The following SLC6A9 variants were observed in gnomAD, a reference collection of about 807,000 sequenced individuals.
The protein encoded by SLC6A9 is sodium- and chloride-dependent glycine transporter 1.
Under a neutral mutation model 70.9 loss-of-function variants are expected in SLC6A9, and 31 were observed. The ratio of observed to expected loss-of-function variants is 0.44; its 90% CI spans 0.33 to 0.59. The LOEUF is 0.59. SLC6A9 is among the 20% of genes least tolerant of loss of function. The probability of loss-of-function intolerance (pLI) is 0.04; values close to 1 mark genes in which losing one functional copy is unlikely to be tolerated. For synonymous variants in SLC6A9, 310 were observed against 341.3 expected (o/e 0.91, Z 1.01); for missense variants, 631 against 845.2 (o/e 0.75, Z 3.14).
chr1:44,022,391 C>T (rs2086899944), intron 2 of SLC6A9, among the ~76,000 whole-genome samples: 1 of 152,204 alleles, frequency 6.6e-6, no homozygotes, highest in South Asian at 2.1e-4. Flanking sequence ...TCCAAGACTT[C>T]TCCAGGAAAG....
intron 4 of SLC6A9, among the ~76,000 whole-genome samples, chr1:44,008,990 G>A (rs141863240): frequency 8.8e-5 from 13 of 147,452 alleles, no homozygotes; most frequent in Non-Finnish European, 1.9e-4. Flanking sequence ...GAAGTGCTGG[G>A]ATTACAGGCG....
chr1:44,029,031 A>G (rs2087041104), intron 1 of SLC6A9, among the ~76,000 whole-genome samples: 1 of 152,104 alleles, frequency 6.6e-6, no homozygotes, highest in Non-Finnish European at 1.5e-5. Flanking sequence ...GACCCAGAGG[A>G]CGAATGCTGG....
intron 2 of SLC6A9, among the ~76,000 whole-genome samples, chr1:44,014,443 A>G (rs993544633): frequency 6.6e-6 from 1 of 151,898 alleles, no homozygotes; most frequent in African/African-American, 2.4e-5. Context: ...GCTGGCTGAC[A>G]CATATACACC....
chr1:44,017,451 C>G, intron 2 of SLC6A9: 1 of 907,502 alleles, frequency 1.1e-6, no homozygotes, highest in Non-Finnish European at 1.4e-6. Flanking sequence ...ACTCCCCCCA[C>G]GGAGCTGACC....
In SLC6A9 at chr1:44,013,276, C is replaced by A. The variant is rs760117819; in HGVS notation, c.31-2394G>T. The stretch of plus-strand genomic sequence containing the variant: ...AGGATGAGGGACAGATGCCCCATAC[C>A]CCCTGACCAAGTGGGACCACATTTG... On this transcript the variant is annotated intron_variant, in intron 2 of 13. Transcript: ENST00000372310. This position sits in a 1 kb window ranked among gnomAD's most constrained non-coding sequence, Gnocchi z 5.3. Among the ~76,000 whole-genome samples, 1 of 152,214 alleles carries A rather than the reference C, an allele frequency of 6.6e-6. No homozygotes were observed. The highest frequency in any genetic ancestry group is 2.4e-5 in the African/African-American group (1 of 41,460).
In SLC6A9 at chr1:44,002,577, C is replaced by T. The variant is rs199830284; in HGVS notation, c.793G>A (p.Glu265Lys). 33 of 1,613,988 alleles carry T rather than the reference C, an allele frequency of 2.0e-5. No individual in the cohort carries two copies. The highest frequency in any genetic ancestry group is 2.7e-5 in the Non-Finnish European group (32 of 1,180,006). ...TACATGATGCCGTCAAAGGCTCCCT[C>T]CAGGGTCACTCCGCGGACAAACAGA... ...TILFVRGVTLEGAFDGIMYYL... is the reference protein window; with the variant it reads ...TILFVRGVTLKGAFDGIMYYL... The change falls in exon 7 of 14, where the codon GAG becomes AAG. Residue 265 changes from glutamate (E) to lysine (K), a missense_variant. Glu to Lys is a moderately conservative substitution (Grantham distance 56). Coordinates refer to ENST00000372310, the MANE Select transcript of SLC6A9 (RefSeq NM_001024845.3). This position sits in a 1 kb window ranked among gnomAD's most constrained non-coding sequence, Gnocchi z 5.5.
intron 1 of SLC6A9, among the ~76,000 whole-genome samples, chr1:44,024,877 G>A (rs1384268884): frequency 2.6e-5 from 4 of 152,174 alleles, no homozygotes; most frequent in South Asian, 2.1e-4. Context: ...ATGTGCAGCC[G>A]CACCTCCTTG....
chr1:44,020,578 C>T (rs993711234), intron 2 of SLC6A9, among the ~76,000 whole-genome samples: 3 of 152,228 alleles, frequency 2.0e-5, no homozygotes, highest in South Asian at 4.1e-4. Context: ...GCTAAGACTT[C>T]GGTTAGGTGA....
chr1:44,006,294 G>A (rs115742580), intron 5 of SLC6A9, among the ~76,000 whole-genome samples: 4 of 152,216 alleles, frequency 2.6e-5, no homozygotes, highest in African/African-American at 9.6e-5. Context: ...CCTAGTAGGT[G>A]CTCAAGAAAT....
chr1:44,028,964 G>T (rs2087039017), intron 1 of SLC6A9, among the ~76,000 whole-genome samples: 1 of 152,296 alleles, frequency 6.6e-6, no homozygotes, highest in East Asian at 1.9e-4. Context: ...TGGGTAGGGG[G>T]AGGGATAAGA....
intron 2 of SLC6A9, 147 bp from the exon 3 acceptor site, chr1:44,011,029 G>A (rs947523056): frequency 2.5e-6 from 2 of 803,940 alleles, no homozygotes; most frequent in East Asian, 2.6e-5. Flanking sequence ...AGGCAGGCCT[G>A]GCAAAGGAGG....
At chr1:44,021,069 T>C (rs959952320) in intron 2 of SLC6A9, among the ~76,000 whole-genome samples, 10 of 152,210 alleles carry the variant, frequency 6.6e-5, no homozygotes, top group African/African-American at 2.4e-4. Context: ...TGGTGTGACA[T>C]TGGTGGGTGG....
In SLC6A9 at chr1:44,002,870, C is replaced by G. The variant is rs765969264; in HGVS notation, c.706G>C (p.Val236Leu). The G allele has an allele frequency of 1.2e-6, 2 of 1,614,136 alleles. No homozygotes were observed. The highest frequency in any genetic ancestry group is 3.3e-5 in the Admixed American group (2 of 60,032). ...LVVFLCLIRG[V>L]KSSGKVVYFT... is the part of the protein sequence containing the mutation. Reference sequence around the variant, plus strand: ...GTACTTGCTTTCCCTGAAGACTTGACCCCTCGGATGAGGCAGAGGAAGACG... The same window carrying G: ...GTACTTGCTTTCCCTGAAGACTTGAGCCCTCGGATGAGGCAGAGGAAGACG... The change falls in exon 6 of 14, where the codon GTC (valine) becomes CTC (leucine). Residue 236 changes from valine (V) to leucine (L), a missense_variant. By Grantham distance (32) the Val-to-Leu change is conservative (BLOSUM62 1). Coordinates refer to ENST00000372310, the MANE Select transcript of SLC6A9 (RefSeq NM_001024845.3). This position sits in a 1 kb window ranked among gnomAD's most constrained non-coding sequence, Gnocchi z 5.5.
At position 44,017,139 on chromosome 1, in the gene SLC6A9, C is replaced by A. The variant is rs771588394; in HGVS notation, c.31-6257G>T. On this transcript the variant is annotated intron_variant, in intron 2 of 13. Transcript: ENST00000372310. ...CGCGTGTCTCCGCCGCTCATTCACA[C>A]CTCTGCCAGCTCCAGCGCGACACTG... 20 of 1,607,820 alleles carry A rather than the reference C, an allele frequency of 1.2e-5. No homozygotes were observed. In the Admixed American group the frequency reaches 3.4e-4, roughly 27 times the overall value.
rs759017463 is a variant in SLC6A9 at position 44,000,887 on chromosome 1, G to A, written c.1436-20C>T. 1 of 1,596,286 alleles carries A rather than the reference G, an allele frequency of 6.3e-7. No individual in the cohort carries two copies. The highest frequency in any genetic ancestry group is 8.6e-7 in the Non-Finnish European group (1 of 1,169,282). On this transcript the variant is annotated intron_variant, in intron 11 of 13. Coordinates refer to ENST00000372310, the MANE Select transcript of SLC6A9 (RefSeq NM_001024845.3). Reference sequence around the variant, plus strand: ...GGTGCCCTGGAGAGATGGGGGGTCAGCAGACCCGCAGGACAGAGTGGGCGG... The same window carrying A: ...GGTGCCCTGGAGAGATGGGGGGTCAACAGACCCGCAGGACAGAGTGGGCGG...
Position 43,996,977 on chromosome 1 carries a change from CAG to C in SLC6A9, c.*566_*567del, listed in dbSNP as rs2154303905. ...GTGAGGTGCAAGCAGGCCTGGAAGA[CAG>C]ACTGAACCCGAGGCTGGGGGCGAGG... On this transcript the variant is annotated 3_prime_UTR_variant, in exon 14 of 14. Coordinates refer to ENST00000372310, the MANE Select transcript of SLC6A9 (RefSeq NM_001024845.3). 6.4e-6 allele frequency: 1 copy of C among 155,238 alleles called. No individual in the cohort carries two copies. The highest frequency in any genetic ancestry group is 1.9e-4 in the East Asian group (1 of 5,158). 9.6% of individuals were successfully genotyped at this position (155,238 alleles called of 1,614,324 possible).
At chr1:44,010,218 A>G (rs369879335) in intron 3 of SLC6A9, 122 bp from the exon 4 acceptor site, 12 of 1,014,834 alleles carry the variant, frequency 1.2e-5, no homozygotes, top group East Asian at 1.0e-4. Context: ...GGAGTGTGCC[A>G]GGCTTGAGCA....
chr1:44,025,281 A>ATG (rs1553164758), intron 1 of SLC6A9, among the ~76,000 whole-genome samples: 2 of 151,708 alleles, frequency 1.3e-5, no homozygotes, highest in African/African-American at 4.9e-5. Flanking sequence ...TGTGGGAAGC[A>ATG]TGAGTGGCAA....
intron 2 of SLC6A9, among the ~76,000 whole-genome samples, chr1:44,014,114 C>A (rs1042013406): frequency 6.6e-6 from 1 of 151,930 alleles, no homozygotes; most frequent in Non-Finnish European, 1.5e-5. Context: ...CTTCTCCTAA[C>A]CCCCACCACC....
Sources: allele counts gnomAD v4.1 joint callset (sites outside exome capture counted in the v4.1 genomes callset), GRCh38; gene constraint gnomAD v4.1.1; non-coding constraint Gnocchi (gnomAD v3.1); transcripts MANE v1.5; gene names NCBI Gene and HGNC (gene_info 2026-07-23, HGNC 2026-07-21).